Variants in CAPN8 observed in about 807,000 individuals in gnomAD.
CAPN8 encodes calpain 8.
A neutral mutation model predicts 80.9 loss-of-function variants in CAPN8; 87 were observed. The observed-to-expected ratio is 1.07, with a 90% CI of 0.90 to 1.28. The LOEUF is 1.28. CAPN8 is among the 50% of genes most tolerant of loss of function. The pLI, the probability that CAPN8 is intolerant of heterozygous loss-of-function variation, is 0.00. For missense variants in CAPN8, 757 were observed against 702.0 expected (o/e 1.08, Z -0.89); for synonymous variants, 299 against 273.8 (o/e 1.09, Z -0.91).
chr1:223,546,946 C>A (rs1656640050), intron 16 of CAPN8, among the ~76,000 whole-genome samples: 1 of 151,860 alleles, frequency 6.6e-6, no homozygotes, highest in Non-Finnish European at 1.5e-5. Flanking sequence ...CAGAGTCTCA[C>A]TCTCTCACCC....
chr1:223,555,171 T>C (rs1020960999), intron 13 of CAPN8, among the ~76,000 whole-genome samples: 3 of 152,262 alleles, frequency 2.0e-5, no homozygotes, highest in Non-Finnish European at 4.4e-5. Context: ...TTCACCACTG[T>C]CCTGTGAGGT....
chr1:223,629,284 G>T (rs1159491221), intron 2 of CAPN8, among the ~76,000 whole-genome samples: 3 of 151,030 alleles, frequency 2.0e-5, no homozygotes, highest in Non-Finnish European at 4.4e-5. Flanking sequence ...GCTCTGCGTG[G>T]TCTGTTTACA....
chr1:223,662,649 T>C (rs183432504), intron 1 of CAPN8, among the ~76,000 whole-genome samples: 92 of 152,298 alleles, frequency 6.0e-4, no homozygotes, highest in African/African-American at 2.1e-3. Flanking sequence ...TAGAAGGGGT[T>C]AAGATGGCAA....
At chr1:223,620,415 C>T (rs767932044) in intron 7 of CAPN8, 149 bp from the exon 8 acceptor site, 14 of 675,474 alleles carry the variant, frequency 2.1e-5, no homozygotes, top group East Asian at 5.4e-5. Flanking sequence ...GACAGTGTGG[C>T]GCGAGCACAC....
intron 14 of CAPN8, among the ~76,000 whole-genome samples, chr1:223,551,527 G>A (rs1314479497): frequency 6.6e-6 from 1 of 152,220 alleles, no homozygotes; most frequent in African/African-American, 2.4e-5. Context: ...GGCCAGAGGT[G>A]TGTTAGTGCC....
chr1:223,640,575 C>A (rs1048610084), intron 2 of CAPN8, among the ~76,000 whole-genome samples: 11 of 152,140 alleles, frequency 7.2e-5, no homozygotes, highest in East Asian at 3.9e-4. Context: ...ATTCTGATTC[C>A]TTTTCCTCAC....
chr1:223,549,429 G>A (rs1656723858), intron 15 of CAPN8, 47 bp from the exon 16 acceptor site: 1 of 1,550,814 alleles, frequency 6.4e-7, no homozygotes, highest in East Asian at 2.4e-5. Context: ...ATCATTTGAA[G>A]GTGAGGGAAA....
chr1:223,643,281 C>T (rs1658092682), intron 2 of CAPN8, among the ~76,000 whole-genome samples: 1 of 152,216 alleles, frequency 6.6e-6, no homozygotes, highest in South Asian at 2.1e-4. Flanking sequence ...GAAAATGATC[C>T]TAAATGGCCC....
chr1:223,659,853 A>G (rs1301462820), intron 1 of CAPN8, among the ~76,000 whole-genome samples: 2 of 152,214 alleles, frequency 1.3e-5, no homozygotes, highest in African/African-American at 4.8e-5. Context: ...GCAAATGGCC[A>G]GAGGGGACCA....
intron 1 of CAPN8, among the ~76,000 whole-genome samples, chr1:223,663,279 G>C (rs560390381): frequency 3.9e-5 from 6 of 152,154 alleles, no homozygotes; most frequent in Non-Finnish European, 8.8e-5. Flanking sequence ...AAAGAAAGGA[G>C]AAAAACTAAG....
At chr1:223,554,697 A>G (rs1656866989) in intron 13 of CAPN8, among the ~76,000 whole-genome samples, 1 of 152,258 alleles carries the variant, frequency 6.6e-6, no homozygotes, top group Non-Finnish European at 1.5e-5. Context: ...AAGCCAGGAG[A>G]CTGGAGTTCA....
intron 2 of CAPN8, among the ~76,000 whole-genome samples, chr1:223,629,929 C>T (rs1214579286): frequency 1.3e-5 from 2 of 152,220 alleles, no homozygotes; most frequent in Non-Finnish European, 2.9e-5. Flanking sequence ...TGAATCTTTT[C>T]AATGTGTGTT....
At chr1:223,556,746 C>A (rs906211562) in intron 13 of CAPN8, among the ~76,000 whole-genome samples, 2 of 152,190 alleles carry the variant, frequency 1.3e-5, no homozygotes, top group Non-Finnish European at 2.9e-5. Context: ...TTTAGCAGAA[C>A]CCTGCCCTTC....
chr1:223,636,787 G>T lies in CAPN8; in HGVS notation c.308-8007C>A, dbSNP rs1282110524. ...GTATCAAAGGTTATTTGAAAACTCA[G>T]ACCTTGAGTAGTCGATCACTAGTAA... On this transcript the variant is annotated intron_variant, in intron 2 of 20. Coordinates refer to ENST00000366872, the MANE Select transcript of CAPN8 (RefSeq NM_001143962.2). Among the ~76,000 whole-genome samples the T allele has an allele frequency of 2.7e-5, 3 of 112,948 alleles. No homozygotes were observed. In the East Asian group the frequency reaches 7.7e-4, roughly 29 times the overall value. 74.1% of individuals were successfully genotyped at this position (112,948 alleles called of 152,430 possible).
At chr1:223,649,771 C>T (rs552416221) in intron 2 of CAPN8, among the ~76,000 whole-genome samples, 22 of 152,292 alleles carry the variant, frequency 1.4e-4, no homozygotes, top group Non-Finnish European at 2.5e-4. Flanking sequence ...CAGGGATTTA[C>T]ACCAACAGAT....
At chr1:223,642,226 A>G (rs1298890438) in intron 2 of CAPN8, among the ~76,000 whole-genome samples, 3 of 152,236 alleles carry the variant, frequency 2.0e-5, no homozygotes. Flanking sequence ...AGTTTCAAAG[A>G]TTAGCCCCAA....
chr1:223,622,897 T>C lies in CAPN8; in HGVS notation c.817A>G (p.Asn273Asp). ...AGCTTCTCTGGATGGCCCTGGAAATTCACCTGCAAATTCCATACACAGAAA... is the reference window on the plus strand; with the variant it reads ...AGCTTCTCTGGATGGCCCTGGAAATCCACCTGCAAATTCCATACACAGAAA... ...AYSVTGVEEVNFQGHPEKLIR... is the reference protein window; with the variant it reads ...AYSVTGVEEVDFQGHPEKLIR... The change falls in exon 7 of 21, where the codon AAT becomes GAT. Residue 273 changes from asparagine to aspartate, a missense_variant. Coordinates refer to ENST00000366872, the MANE Select transcript of CAPN8 (RefSeq NM_001143962.2). The C allele has an allele frequency of 6.4e-7, 1 of 1,551,506 alleles. No individual in the cohort carries two copies. The highest frequency in any genetic ancestry group is 1.4e-5 in the African/African-American group (1 of 73,168).
chr1:223,658,269 A>T (rs1378846089), intron 1 of CAPN8, among the ~76,000 whole-genome samples: 1 of 152,168 alleles, frequency 6.6e-6, no homozygotes, highest in African/African-American at 2.4e-5. Context: ...AGGCCTCCCA[A>T]GTTCTGCTAA....
Position 223,616,061 on chromosome 1 carries a change from C to T in CAPN8, c.1220G>A (p.Cys407Tyr), listed in dbSNP as rs1175513866. The T allele has an allele frequency of 3.2e-6, 5 of 1,552,268 alleles. No individual in the cohort carries two copies. Among genetic ancestry groups the T allele is most frequent in the Non-Finnish European group, 3.5e-6 (4 of 1,147,118 alleles). ...CTGCATCAGGCCCAGCAGCACTGTA[C>T]AGCAGGGTTCACCGATGCTCTCCTC... ...DQEESIGEPC[C>Y]TVLLGLMQKN... Residue 407 changes from cysteine (C) to tyrosine (Y), a missense_variant, in exon 10 of 21, where the codon TGT becomes TAT. Cys to Tyr is a radical substitution (Grantham distance 194). Transcript: ENST00000366872.
Sources: gnomAD v4.1 joint callset for allele counts (sites outside exome capture counted in the v4.1 genomes callset) on GRCh38, gnomAD v4.1.1 for gene constraint, MANE v1.5 for transcripts, NCBI Gene and HGNC (gene_info 2026-07-23, HGNC 2026-07-21) for gene names.